The following FHIT variants were observed in gnomAD, a reference collection of about 807,000 sequenced individuals.
FHIT encodes the protein fragile histidine triad diadenosine triphosphatase, also known as bis(5'-adenosyl)-triphosphatase.
A neutral mutation model predicts 17.9 loss-of-function variants in FHIT; 19 were observed. The observed-to-expected ratio is 1.06, with a 90% CI of 0.74 to 1.56. The LOEUF is 1.56. Among genes scored for constraint, FHIT ranks in the 40% most tolerant of loss-of-function variants. The pLI is 0.00. For missense variants in FHIT, 248 were observed against 189.2 expected (o/e 1.31, Z -1.82); for synonymous variants, 81 against 69.7 (o/e 1.16, Z -0.81).
At chr3:59,969,813 C>T (rs1403529995) in intron 7 of FHIT, among the ~76,000 whole-genome samples, 1 of 151,980 alleles carries the variant, frequency 6.6e-6, no homozygotes, top group African/African-American at 2.4e-5. Context: ...AGTAAAATAA[C>T]AAAACTTACT....
At chr3:61,049,034 G>C (rs1228659492) in intron 2 of FHIT, among the ~76,000 whole-genome samples, 1 of 151,874 alleles carries the variant, frequency 6.6e-6, no homozygotes, top group Non-Finnish European at 1.5e-5. Context: ...TAAATGATGA[G>C]TTAATGGGTG....
At chr3:60,176,803 C>T (rs1033862180) in intron 5 of FHIT, among the ~76,000 whole-genome samples, 4 of 152,108 alleles carry the variant, frequency 2.6e-5, no homozygotes, top group African/African-American at 7.2e-5. Flanking sequence ...AATCATGAGC[C>T]GATGGAAGTC....
intron 5 of FHIT, among the ~76,000 whole-genome samples, chr3:60,442,703 G>A (rs191572717): frequency 1.3e-5 from 2 of 152,286 alleles, no homozygotes; most frequent in East Asian, 1.9e-4. Flanking sequence ...AAGTCAGGTA[G>A]TGTGATGCCT....
At chr3:60,136,923 A>C (rs1295266233) in intron 5 of FHIT, among the ~76,000 whole-genome samples, 2 of 152,152 alleles carry the variant, frequency 1.3e-5, no homozygotes, top group Non-Finnish European at 2.9e-5. Context: ...AAACCCAGTG[A>C]CCTGATAAGA....
rs1053652006 is a variant in FHIT, at chr3:60,707,074, C to T, written c.-18+114845G>A. The stretch of plus-strand genomic sequence containing the variant: ...TTGACATTTACTTCAATATTCTACC[C>T]AGTTGCAGTGTGACTATGACAAAAT... On this transcript the variant is annotated intron_variant, in intron 4 of 9. Coordinates refer to ENST00000492590, the MANE Select transcript of FHIT (RefSeq NM_002012.4). Among the ~76,000 whole-genome samples, 3 of 152,174 alleles carry T rather than the reference C, an allele frequency of 2.0e-5. No homozygotes were observed. The East Asian group carries it at 5.8e-4, about 29-fold the overall frequency.
intron 3 of FHIT, among the ~76,000 whole-genome samples, chr3:60,911,691 C>G (rs1706754263): frequency 1.3e-5 from 2 of 152,164 alleles, no homozygotes; most frequent in Non-Finnish European, 2.9e-5. Context: ...TAATTTCAAA[C>G]AGGCCTCATA....
At chr3:60,591,385 A>C (rs1429150652) in intron 4 of FHIT, among the ~76,000 whole-genome samples, 1 of 131,120 alleles carries the variant, frequency 7.6e-6, no homozygotes, top group Non-Finnish European at 1.7e-5. Flanking sequence ...TGATGGACTT[A>C]ACAGACTGAG....
chr3:59,923,231 A>G (rs1184494259), intron 7 of FHIT, among the ~76,000 whole-genome samples: 2 of 150,206 alleles, frequency 1.3e-5, no homozygotes, highest in African/African-American at 4.9e-5. Flanking sequence ...CAAAAAAAAA[A>G]AAAAAAAAAA....
At chr3:61,244,683 T>C (rs2040446208) in intron 1 of FHIT, among the ~76,000 whole-genome samples, 1 of 152,180 alleles carries the variant, frequency 6.6e-6, no homozygotes, top group South Asian at 2.1e-4. Context: ...ATACCTGGAA[T>C]GAAAGAACAT....
At chr3:59,775,231 T>G (rs573868756) in intron 8 of FHIT, among the ~76,000 whole-genome samples, 1 of 152,132 alleles carries the variant, frequency 6.6e-6, no homozygotes, top group Non-Finnish European at 1.5e-5. Flanking sequence ...TGAACGGCAA[T>G]GTGCTGTGTC....
intron 8 of FHIT, among the ~76,000 whole-genome samples, chr3:59,843,077 A>C (rs1449105523): frequency 6.6e-6 from 1 of 152,144 alleles, no homozygotes; most frequent in Non-Finnish European, 1.5e-5. Flanking sequence ...TTAAATTTTT[A>C]TATGGTGTAA....
At chr3:60,207,743 A>G (rs1030546483) in intron 5 of FHIT, among the ~76,000 whole-genome samples, 3 of 152,180 alleles carry the variant, frequency 2.0e-5, no homozygotes, top group African/African-American at 7.2e-5. Context: ...GGTCATTCTG[A>G]TATGTTTTAG....
At chr3:60,179,995 C>T (rs1015989345) in intron 5 of FHIT, among the ~76,000 whole-genome samples, 8 of 152,256 alleles carry the variant, frequency 5.3e-5, no homozygotes, top group South Asian at 2.1e-4. Context: ...CAATCCTCCA[C>T]GGGGACTATA....
intron 3 of FHIT, among the ~76,000 whole-genome samples, chr3:60,839,233 TCC>T: frequency 6.6e-6 from 1 of 152,308 alleles, no homozygotes; most frequent in South Asian, 2.1e-4. Flanking sequence ...AAGTAGCTTT[TCC>T]ATGAATTATT....
chr3:59,949,982 T>C (rs62238357), intron 7 of FHIT, among the ~76,000 whole-genome samples: 1 of 152,262 alleles, frequency 6.6e-6, no homozygotes, highest in Non-Finnish European at 1.5e-5. Context: ...AAATCTCTAA[T>C]GAGGACCAGG....
At chr3:60,856,859 G>A (rs1405294802) in intron 3 of FHIT, among the ~76,000 whole-genome samples, 18 of 151,954 alleles carry the variant, frequency 1.2e-4, no homozygotes, top group African/African-American at 4.4e-4. Context: ...GTAACATCCT[G>A]GACTTCCTCT....
At chr3:60,242,131 G>A (rs892576468) in intron 5 of FHIT, among the ~76,000 whole-genome samples, 25 of 151,958 alleles carry the variant, frequency 1.6e-4, no homozygotes, top group Admixed American at 1.3e-3. Context: ...TATCTTTCAC[G>A]TTTTATTTCT....
At chr3:60,405,092 G>A (rs1340130291) in intron 5 of FHIT, among the ~76,000 whole-genome samples, 6 of 152,156 alleles carry the variant, frequency 3.9e-5, no homozygotes, top group Non-Finnish European at 2.9e-5. Context: ...AGATGGGATA[G>A]GGGTAGGTAC....
At chr3:60,303,584 G>A (rs1358038453) in intron 5 of FHIT, among the ~76,000 whole-genome samples, 2 of 152,176 alleles carry the variant, frequency 1.3e-5, no homozygotes, top group Non-Finnish European at 2.9e-5. Context: ...CCCACAGGCT[G>A]TGATCAGTGT....
Sources: allele counts gnomAD v4.1 joint callset (sites outside exome capture counted in the v4.1 genomes callset), GRCh38; gene constraint gnomAD v4.1.1; transcripts MANE v1.5; gene names NCBI Gene and HGNC (gene_info 2026-07-23, HGNC 2026-07-21).